The following TUNAR variants were observed in gnomAD, a reference collection of about 807,000 sequenced individuals.
TUNAR encodes the protein transmembrane neural differentiation associated intracellular calcium regulator.
At chr14:95,884,070 C>T (rs1889027463) in intron 2 of TUNAR, among the ~76,000 whole-genome samples, 1 of 152,260 alleles carries the variant, frequency 6.6e-6, no homozygotes, top group African/African-American at 2.4e-5. Context: ...CCCACCTTCA[C>T]CCACCGCCGT....
chr14:95,914,789 G>A (rs891819017), intron 2 of TUNAR, among the ~76,000 whole-genome samples: 4 of 152,118 alleles, frequency 2.6e-5, no homozygotes, highest in Non-Finnish European at 5.9e-5. Context: ...TATAGGTGAG[G>A]AAACTGAAGC....
chr14:95,891,004 A>C (rs1236682119), intron 2 of TUNAR, among the ~76,000 whole-genome samples: 2 of 152,114 alleles, frequency 1.3e-5, no homozygotes, highest in Non-Finnish European at 2.9e-5. Context: ...GAAAGAATCG[A>C]CCCGTGTCTG....
At chr14:95,899,960 T>C (rs561927929) in intron 2 of TUNAR, among the ~76,000 whole-genome samples, 1 of 152,334 alleles carries the variant, frequency 6.6e-6, no homozygotes, top group Non-Finnish European at 1.5e-5. Flanking sequence ...TCCTGGAACT[T>C]TCTCCTATAG....
At chr14:95,919,649 G>T (rs1889659672) in intron 2 of TUNAR, among the ~76,000 whole-genome samples, 1 of 152,158 alleles carries the variant, frequency 6.6e-6, no homozygotes, top group Non-Finnish European at 1.5e-5. Context: ...GGAGGTCAAG[G>T]CTGCAGTGAG....
At chr14:95,898,664 T>C (rs1249877798) in intron 2 of TUNAR, among the ~76,000 whole-genome samples, 1 of 152,258 alleles carries the variant, frequency 6.6e-6, no homozygotes, top group Admixed American at 6.5e-5. Flanking sequence ...ACTAACATTT[T>C]TAACCTCTGA....
rs561479793 is a variant in TUNAR at position 95,901,936 on chromosome 14, G to T, written c.13-20845G>T. Among the ~76,000 whole-genome samples the T allele has an allele frequency of 1.3e-3, 201 of 152,304 alleles. 1 individual carries two copies. The highest frequency in any genetic ancestry group is 2.0e-3 in the Non-Finnish European group (136 of 68,024). ...CAATCTGAATGCTGTGATGGAGCCA[G>T]CCAGTGCAAACGTTTGGGCAAAGTG... On this transcript the variant is annotated intron_variant, in intron 2 of 2. Coordinates refer to ENST00000678517, the Ensembl canonical transcript of TUNAR.
At chr14:95,922,823 G>C (rs936450033) in exon 3 of TUNAR, 22 of 398,936 alleles carry the variant, frequency 5.5e-5, no homozygotes, top group Non-Finnish European at 9.3e-5. Flanking sequence ...AACCAAGATG[G>C]TAATCACTAG....
At position 95,921,370 on chromosome 14, in the gene TUNAR, G is replaced by A. The variant is rs370818987; in HGVS notation, c.13-1411G>A. Among the ~76,000 whole-genome samples, 7 of 152,258 alleles carry A rather than the reference G, an allele frequency of 4.6e-5. 1 individual carries two copies. The highest frequency in any genetic ancestry group is 1.9e-4 in the East Asian group (1 of 5,186). ...TGGAAGAAATGTAGCTATGGGGCTG[G>A]CCTGGTGCACATCACATCACAAGTG... On this transcript the variant is annotated intron_variant, in intron 2 of 2. Coordinates refer to ENST00000678517, the Ensembl canonical transcript of TUNAR.
intron 2 of TUNAR, among the ~76,000 whole-genome samples, chr14:95,913,857 C>T (rs1053352639): frequency 7.2e-5 from 11 of 152,244 alleles, no homozygotes; most frequent in African/African-American, 1.9e-4. Flanking sequence ...CTCAGCCTCC[C>T]GAGTAGCTGG....
chr14:95,904,554 G>A (rs1889402104), intron 2 of TUNAR, among the ~76,000 whole-genome samples: 1 of 152,192 alleles, frequency 6.6e-6, no homozygotes, highest in African/African-American at 2.4e-5. Context: ...TCACCAAGCA[G>A]CTTCCTGGGA....
intron 2 of TUNAR, among the ~76,000 whole-genome samples, chr14:95,889,970 A>AAC (rs1323042164): frequency 6.6e-6 from 1 of 152,050 alleles, no homozygotes; most frequent in Non-Finnish European, 1.5e-5. Flanking sequence ...AAAAAAAAAA[A>AAC]AAAAAAACTG....
chr14:95,883,218 T>C (rs1283828811), intron 2 of TUNAR, among the ~76,000 whole-genome samples: 1 of 152,222 alleles, frequency 6.6e-6, no homozygotes, highest in Non-Finnish European at 1.5e-5. Context: ...AAGATAACAT[T>C]GCTTCGGTCT....
intron 2 of TUNAR, among the ~76,000 whole-genome samples, chr14:95,880,215 G>T (rs1888958340): frequency 6.6e-6 from 1 of 152,054 alleles, no homozygotes; most frequent in Non-Finnish European, 1.5e-5. Context: ...TCAAAATTTG[G>T]GTATAGCTGG....
intron 2 of TUNAR, among the ~76,000 whole-genome samples, chr14:95,900,732 C>T (rs777824988): frequency 3.3e-5 from 5 of 152,146 alleles, no homozygotes; most frequent in South Asian, 2.1e-4. Context: ...AGCCTTGGAG[C>T]GCATACTAGT....
At chr14:95,924,679 G>T (rs1038020194) in exon 3 of TUNAR, 6 of 152,208 alleles carry the variant, frequency 3.9e-5, no homozygotes, top group Admixed American at 2.6e-4. Flanking sequence ...AACAGATCTC[G>T]TGAGACTTTT....
At chr14:95,903,459 C>T (rs962708074) in intron 2 of TUNAR, among the ~76,000 whole-genome samples, 2 of 152,178 alleles carry the variant, frequency 1.3e-5, no homozygotes, top group South Asian at 2.1e-4. Flanking sequence ...CTTGAGATCA[C>T]CAGCGACAAA....
chr14:95,924,367 G>A (rs1270257787), exon 3 of TUNAR: 1 of 152,258 alleles, frequency 6.6e-6, no homozygotes, highest in Non-Finnish European at 1.5e-5. Flanking sequence ...GGCAGGGATG[G>A]TTGCATAAAA....
chr14:95,884,321 C>T (rs1434104057), intron 2 of TUNAR, among the ~76,000 whole-genome samples: 2 of 152,162 alleles, frequency 1.3e-5, no homozygotes, highest in Admixed American at 6.5e-5. Flanking sequence ...CCCCTTGCTT[C>T]CCTCTTCATG....
At chr14:95,912,381 C>T (rs1032567754) in intron 2 of TUNAR, among the ~76,000 whole-genome samples, 4 of 152,258 alleles carry the variant, frequency 2.6e-5, no homozygotes, top group African/African-American at 7.2e-5. Flanking sequence ...TCACTGGCTA[C>T]GTTCTGCATT....
Sources: allele counts gnomAD v4.1 joint callset (sites outside exome capture counted in the v4.1 genomes callset), GRCh38; gene constraint gnomAD v4.1.1; transcripts MANE v1.5; gene names NCBI Gene and HGNC (gene_info 2026-07-23, HGNC 2026-07-21).